The following PCDHGA6 variants were observed in gnomAD, a reference collection of about 807,000 sequenced individuals.
The protein encoded by PCDHGA6 is protocadherin gamma-A6.
Under a neutral mutation model 60.6 loss-of-function variants are expected in PCDHGA6, and 41 were observed. The observed-to-expected ratio is 0.68, with a 90% CI of 0.53 to 0.88. PCDHGA6 has a LOEUF of 0.88. PCDHGA6 is among the 40% of genes least tolerant of loss of function. The pLI, the probability that PCDHGA6 is intolerant of heterozygous loss-of-function variation, is 0.00. For missense variants in PCDHGA6, 1,312 were observed against 1,203.0 expected (o/e 1.09, Z -1.34); for synonymous variants, 594 against 524.4 (o/e 1.13, Z -1.81).
intron 1 of PCDHGA6, chr5:141,424,527 A>G (rs1164206187): frequency 1.3e-5 from 2 of 152,214 alleles, no homozygotes; most frequent in African/African-American, 2.4e-5. Flanking sequence ...GTAAATCCAT[A>G]TATAGAAATA....
chr5:141,395,538 TTGTTTGTG>T (rs2093252084), intron 1 of PCDHGA6: 3 of 225,786 alleles, frequency 1.3e-5, no homozygotes, highest in South Asian at 6.0e-5. Flanking sequence ...AATTTTGCTA[TTGTTTGTG>T]TGTGTGTGTG....
intron 1 of PCDHGA6, chr5:141,390,525 G>C: frequency 1.8e-6 from 1 of 552,024 alleles, no homozygotes; most frequent in Non-Finnish European, 3.2e-6. Context: ...CAATGAGGGT[G>C]TGGTTTTAAC....
At chr5:141,396,546 G>A (rs2093396215) in intron 1 of PCDHGA6, 1 of 152,118 alleles carries the variant, frequency 6.6e-6, no homozygotes, top group Non-Finnish European at 1.5e-5. Context: ...CTTGAACCCG[G>A]GAGGTGGAGG....
chr5:141,490,338 C>A lies in PCDHGA6; in HGVS notation c.2425-4469C>A, dbSNP rs1408559629. Reference sequence around the variant, plus strand: ...CTGTCCTAGAGAGCACACCAGTGGGCACAGTAGTGGGGTTGTTTAATGTGC... The same window carrying A: ...CTGTCCTAGAGAGCACACCAGTGGGAACAGTAGTGGGGTTGTTTAATGTGC... On this transcript the variant is annotated intron_variant, in intron 1 of 3. Coordinates refer to ENST00000517434, the MANE Select transcript of PCDHGA6 (RefSeq NM_018919.3). This position sits in a 1 kb window ranked among gnomAD's most constrained non-coding sequence, Gnocchi z 5.4. 6.2e-7 allele frequency: 1 copy of A among 1,614,184 alleles called. No homozygotes were observed. The highest frequency in any genetic ancestry group is 1.7e-5 in the Admixed American group (1 of 60,032).
In PCDHGA6 at chr5:141,493,511, T is replaced by G. The variant is rs1203329648; in HGVS notation, c.2425-1296T>G. Among the ~76,000 whole-genome samples the G allele has an allele frequency of 6.6e-6, 1 of 152,094 alleles. No individual in the cohort carries two copies. Reference sequence around the variant, plus strand: ...TCTGTGGCTCCTCATTTCTGAGCAGTCCCCGCAGCGCAAACTTGGCCAGTT... The same window carrying G: ...TCTGTGGCTCCTCATTTCTGAGCAGGCCCCGCAGCGCAAACTTGGCCAGTT... On this transcript the variant is annotated intron_variant, in intron 1 of 3. Coordinates refer to ENST00000517434, the MANE Select transcript of PCDHGA6 (RefSeq NM_018919.3). This position sits in a 1 kb window ranked among gnomAD's most constrained non-coding sequence, Gnocchi z 4.3.
chr5:141,407,338 A>G (rs1016766073), intron 1 of PCDHGA6, among the ~76,000 whole-genome samples: 33 of 152,208 alleles, frequency 2.2e-4, no homozygotes, highest in Non-Finnish European at 1.8e-4. Context: ...ATTGAAATGT[A>G]TGTTAATTTG....
intron 1 of PCDHGA6, chr5:141,394,079 G>A (rs375995047): frequency 5.0e-6 from 8 of 1,613,706 alleles, no homozygotes; most frequent in Non-Finnish European, 5.9e-6. Context: ...ATATCACAGT[G>A]ATGGCCTCAG....
chr5:141,398,708 T>A, intron 1 of PCDHGA6: 2 of 1,613,886 alleles, frequency 1.2e-6, no homozygotes, highest in Non-Finnish European at 1.7e-6. Context: ...TACCCGGAAC[T>A]GGCACTGGAG....
Position 141,374,601 on chromosome 5 carries a change from G to C in PCDHGA6, c.518G>C (p.Ser173Thr), listed in dbSNP as rs772584663. 6.1e-5 allele frequency: 98 copies of C among 1,613,558 alleles called. No homozygotes were observed. Among genetic ancestry groups the C allele is most frequent in the Non-Finnish European group, 8.1e-5 (96 of 1,179,756 alleles). ...GMNSLQGFKL[S>T]GNSHFSVDVQ... is the part of the protein sequence containing the mutation. ...AACTCCCTTCAGGGATTTAAGCTCA[G>C]TGGTAATAGTCACTTCTCAGTGGAC... is the stretch of plus-strand genomic sequence containing the variant. The change falls in exon 1 of 4, where the codon AGT (serine) becomes ACT (threonine). Residue 173 changes from serine (S) to threonine (T), a missense_variant. Transcript: ENST00000517434.
At chr5:141,393,175 T>C in intron 1 of PCDHGA6, 2 of 1,613,210 alleles carry the variant, frequency 1.2e-6, no homozygotes, top group Non-Finnish European at 1.7e-6. Flanking sequence ...GGGGTAGAAA[T>C]AGAAATAATT....
Position 141,384,980 on chromosome 5 carries a change from T to A in PCDHGA6, c.2424+8473T>A, listed in dbSNP as rs772144829. The A allele has an allele frequency of 1.1e-5, 18 of 1,614,040 alleles. No individual in the cohort carries two copies. In the South Asian group the frequency reaches 1.6e-4, roughly 15 times the overall value. On this transcript the variant is annotated intron_variant, in intron 1 of 3. Coordinates refer to ENST00000517434, the MANE Select transcript of PCDHGA6 (RefSeq NM_018919.3). Reference sequence around the variant, plus strand: ...AACTATGACCTCACGTTGTACCTGGTGGTGGCGGTGGCCACAGTCTCCTGC... The same window carrying A: ...AACTATGACCTCACGTTGTACCTGGAGGTGGCGGTGGCCACAGTCTCCTGC...
intron 1 of PCDHGA6, chr5:141,394,056 G>C (rs776550132): frequency 6.2e-7 from 1 of 1,613,734 alleles, no homozygotes; most frequent in Non-Finnish European, 8.5e-7. Flanking sequence ...CCGAGAAAAT[G>C]TCTCTATCTA....
rs1770228418 is a variant in PCDHGA6, at chr5:141,374,172, A to G, written c.89A>G (p.Gln30Arg). Residue 30 changes from glutamine (Q) to arginine (R), a missense_variant, in exon 1 of 4, where the codon CAG (glutamine) becomes CGG (arginine). Gln to Arg is a conservative substitution (Grantham distance 43). Coordinates refer to ENST00000517434, the MANE Select transcript of PCDHGA6 (RefSeq NM_018919.3). ...LGTLWGAAAA[Q>R]IRYSIPEELE... ...ACGCTGTGGGGGGCCGCGGCAGCGC[A>G]GATCCGCTACTCTATTCCCGAGGAG... 1 of 1,613,330 alleles carries G rather than the reference A, an allele frequency of 6.2e-7. No individual in the cohort carries two copies. The highest frequency in any genetic ancestry group is 8.5e-7 in the Non-Finnish European group (1 of 1,179,736).
At chr5:141,429,361 A>G (rs2097205912) in intron 1 of PCDHGA6, among the ~76,000 whole-genome samples, 1 of 150,698 alleles carries the variant, frequency 6.6e-6, no homozygotes, top group East Asian at 1.9e-4. Context: ...AATGCATGAG[A>G]AAATGGAGAA....
chr5:141,431,227 C>G lies in PCDHGA6; in HGVS notation c.2424+54720C>G. ...CTGAGATGCGGTTCCCTCTACCCCA[C>G]GCCTGGGATCCGGATATCGGGAAGA... On this transcript the variant is annotated intron_variant, in intron 1 of 3. Coordinates refer to ENST00000517434, the MANE Select transcript of PCDHGA6 (RefSeq NM_018919.3). This position sits in a 1 kb window ranked among gnomAD's most constrained non-coding sequence, Gnocchi z 4.8. 6.2e-7 allele frequency: 1 copy of G among 1,614,180 alleles called. No individual in the cohort carries two copies. Among genetic ancestry groups the G allele is most frequent in the Non-Finnish European group, 8.5e-7 (1 of 1,180,042 alleles).
chr5:141,385,267 T>G lies in PCDHGA6; in HGVS notation c.2424+8760T>G, dbSNP rs965746690. On this transcript the variant is annotated intron_variant, in intron 1 of 3. Transcript: ENST00000517434. ...CCAGGAGAGCTGTGAGAAAAATGAT[T>G]CTTTGCTAACATCCGTAGATTTTCA... 10 of 1,614,058 alleles carry G rather than the reference T, an allele frequency of 6.2e-6. No individual in the cohort carries two copies. In the African/African-American group the frequency reaches 1.2e-4, roughly 19 times the overall value.
chr5:141,388,433 A>G, intron 1 of PCDHGA6: 1 of 1,613,878 alleles, frequency 6.2e-7, no homozygotes, highest in Non-Finnish European at 8.5e-7. Flanking sequence ...TGATAAATAA[A>G]GAGAAATCAG....
intron 1 of PCDHGA6, chr5:141,397,846 A>C: frequency 1.9e-6 from 1 of 528,462 alleles, no homozygotes; most frequent in South Asian, 3.1e-5. Flanking sequence ...GAAGCCGCAG[A>C]GGCTGTAGTT....
intron 1 of PCDHGA6, among the ~76,000 whole-genome samples, chr5:141,386,669 A>T (rs774102519): frequency 4.6e-5 from 7 of 152,086 alleles, no homozygotes; most frequent in Admixed American, 1.3e-4. Flanking sequence ...CAGTGTTCAC[A>T]TTTCAGATGT....
Sources: allele counts gnomAD v4.1 joint callset (sites outside exome capture counted in the v4.1 genomes callset), GRCh38; gene constraint gnomAD v4.1.1; non-coding constraint Gnocchi (gnomAD v3.1); transcripts MANE v1.5; gene names NCBI Gene and HGNC (gene_info 2026-07-23, HGNC 2026-07-21).